HIVEP1: variants seen among roughly 807,000 people sequenced by gnomAD.
The protein encoded by HIVEP1 is HIVEP zinc finger 1.
HIVEP1 carries 36 observed loss-of-function variants against 180.0 expected under a neutral mutation model. That is an observed-to-expected ratio of 0.20 (90% confidence interval 0.15 to 0.26). The LOEUF (loss-of-function observed/expected upper bound fraction) is 0.26. HIVEP1 is among the 10% of genes least tolerant of loss of function. The pLI is 1.00. For missense variants in HIVEP1, 3,143 were observed against 3,268.7 expected, an observed-to-expected ratio of 0.96 and a Z score of 0.94; for synonymous variants, 1,239 against 1,239.0, an observed-to-expected ratio of 1.00 and a Z score of 0.00.
chr6:12,064,391 A>T (rs543444100), intron 2 of HIVEP1, among the ~76,000 whole-genome samples: 1 of 152,366 alleles, frequency 6.6e-6, no homozygotes, highest in South Asian at 2.1e-4. Flanking sequence ...CAATAAGGTC[A>T]TCACAAGCAG....
At chr6:12,190,896 A>G in the HIVEP1 span, among the ~76,000 whole-genome samples, 2 of 152,332 alleles carry the variant, frequency 1.3e-5, no homozygotes, top group East Asian at 3.9e-4. Flanking sequence ...GCAGGAATAA[A>G]TGTCTTACTG....
Position 12,125,846 on chromosome 6 carries a change from C to A in HIVEP1, c.6051C>A (p.Ser2017Arg). Residue 2017 changes from serine (S) to arginine (R), a missense_variant, in exon 4 of 9, where the codon AGC becomes AGA. By Grantham distance (110) the Ser-to-Arg change is moderately radical (BLOSUM62 -1). Coordinates refer to ENST00000379388, the MANE Select transcript of HIVEP1 (RefSeq NM_002114.4). ...AGTCAGACTTATTGGTCTATTCAAGCAAGTGGAAAAGCAGCTTAAGCAAGG... is the reference window on the plus strand; with the variant it reads ...AGTCAGACTTATTGGTCTATTCAAGAAAGTGGAAAAGCAGCTTAAGCAAGG... The part of the protein sequence containing the change: ...HSKSDLLVYS[S>R]KWKSSLSKRA... 1 of 1,603,706 alleles carries A rather than the reference C, an allele frequency of 6.2e-7. No individual in the cohort carries two copies. The highest frequency in any genetic ancestry group is 8.5e-7 in the Non-Finnish European group (1 of 1,175,020).
intron 7 of HIVEP1, among the ~76,000 whole-genome samples, chr6:12,141,021 C>T (rs1315835646): frequency 6.6e-6 from 1 of 152,124 alleles, no homozygotes; most frequent in Non-Finnish European, 1.5e-5. Context: ...ACAGAGAACA[C>T]CACAAAGATA....
chr6:12,124,653 C>G lies in HIVEP1; in HGVS notation c.4858C>G (p.Leu1620Val), dbSNP rs765564447. 3.7e-6 allele frequency: 6 copies of G among 1,614,050 alleles called. No individual in the cohort carries two copies. Among genetic ancestry groups the G allele is most frequent in the Non-Finnish European group, 5.1e-6 (6 of 1,179,992 alleles). Reference sequence around the variant, plus strand: ...TTCGCATCCTCTGCTACCACCAGAGCTCAGGCCCCTTGGAAGTCAGGTGCA... The same window carrying G: ...TTCGCATCCTCTGCTACCACCAGAGGTCAGGCCCCTTGGAAGTCAGGTGCA... ...SNSHPLLPPE[L>V]RPLGSQVQKV... is the part of the protein sequence containing the mutation. The change falls in exon 4 of 9, where the codon CTC becomes GTC. Residue 1620 changes from leucine to valine, a missense_variant. Coordinates refer to ENST00000379388, the MANE Select transcript of HIVEP1 (RefSeq NM_002114.4).
At chr6:12,084,685 C>G (rs1027971605) in intron 2 of HIVEP1, among the ~76,000 whole-genome samples, 3 of 152,038 alleles carry the variant, frequency 2.0e-5, no homozygotes, top group Non-Finnish European at 4.4e-5. Flanking sequence ...TTTTTTCAAT[C>G]AGATGGTACC....
chr6:12,164,700 C>T lies in HIVEP1; in HGVS notation c.*239C>T. ...AGAAACTGTACAGATTGTTGAATAT[C>T]TATATACATAAAAATATATTATATA... is the stretch of plus-strand genomic sequence containing the variant. On this transcript the variant is annotated 3_prime_UTR_variant, in exon 9 of 9. Transcript: ENST00000379388. The T allele has an allele frequency of 3.1e-6, 1 of 326,092 alleles. No individual in the cohort carries two copies. The highest frequency in any genetic ancestry group is 5.5e-6 in the Non-Finnish European group (1 of 181,058). The allele number at this position is 326,092 out of a possible 1,614,324, so 20.2% of individuals were successfully genotyped here. A position where few individuals can be genotyped will look rare whatever the true frequency, so the allele number is the denominator to read the frequency against.
At chr6:12,055,336 G>A (rs1412444967) in intron 2 of HIVEP1, among the ~76,000 whole-genome samples, 1 of 152,126 alleles carries the variant, frequency 6.6e-6, no homozygotes, top group Non-Finnish European at 1.5e-5. Context: ...AGCTGGGCAT[G>A]GTGGCACGTG....
At chr6:12,102,582 G>C (rs890278649) in intron 3 of HIVEP1, among the ~76,000 whole-genome samples, 1 of 152,134 alleles carries the variant, frequency 6.6e-6, no homozygotes, top group Non-Finnish European at 1.5e-5. Flanking sequence ...ACTGATAACA[G>C]GTAATTCTGC....
chr6:12,068,945 C>A (rs1315854786), intron 2 of HIVEP1, among the ~76,000 whole-genome samples: 1 of 152,214 alleles, frequency 6.6e-6, no homozygotes, highest in Admixed American at 6.5e-5. Flanking sequence ...TTACCAATTT[C>A]TTGTCACTTT....
Position 12,161,616 on chromosome 6 carries a change from T to A in HIVEP1, c.6665T>A (p.Leu2222His). The change falls in exon 8 of 9, where the codon CTT (leucine) becomes CAT (histidine). Residue 2222 changes from leucine (L) to histidine (H), a missense_variant. By Grantham distance (99) the Leu-to-His change is moderately conservative (BLOSUM62 -3). This residue lies in a region of HIVEP1 where 126 missense variants were observed against 168.5 expected (regional missense o/e 0.75). Coordinates refer to ENST00000379388, the MANE Select transcript of HIVEP1 (RefSeq NM_002114.4). The stretch of plus-strand genomic sequence containing the variant: ...CAGCACCTTCCATCTAGAAGTAGCC[T>A]TCAGGACCCTGTGAGTACTGACGAG... Reference protein sequence around the residue: ...SPQHLPSRSSLQDPVSTDEDV... With the variant: ...SPQHLPSRSSHQDPVSTDEDV... 6.2e-7 allele frequency: 1 copy of A among 1,614,122 alleles called. No homozygotes were observed. Among genetic ancestry groups the A allele is most frequent in the Non-Finnish European group, 8.5e-7 (1 of 1,180,002 alleles).
At chr6:12,044,426 C>A (rs1420150270) in intron 2 of HIVEP1, among the ~76,000 whole-genome samples, 1 of 152,196 alleles carries the variant, frequency 6.6e-6, no homozygotes, top group South Asian at 2.1e-4. Flanking sequence ...GGAAGCTTTC[C>A]TTTCCCCACC....
Position 12,121,392 on chromosome 6 carries a change from T to C in HIVEP1, c.1597T>C (p.Phe533Leu). ...SNAETLLKSS[F>L]TPSSPENVIG... ...TGCTGAAACTTTACTAAAATCAAGC[T>C]TCACTCCAAGCAGTCCAGAAAATGT... Residue 533 changes from phenylalanine (F) to leucine (L), a missense_variant, in exon 4 of 9, where the codon TTC (phenylalanine) becomes CTC (leucine). Coordinates refer to ENST00000379388, the MANE Select transcript of HIVEP1 (RefSeq NM_002114.4). This position sits in a 1 kb window ranked among gnomAD's most constrained non-coding sequence, Gnocchi z 5.3. 6.2e-7 allele frequency: 1 copy of C among 1,614,118 alleles called. No individual in the cohort carries two copies. Among genetic ancestry groups the C allele is most frequent in the Non-Finnish European group, 8.5e-7 (1 of 1,180,024 alleles).
At chr6:12,037,952 T>C in intron 2 of HIVEP1, 1 of 387,926 alleles carries the variant, frequency 2.6e-6, no homozygotes, top group Non-Finnish European at 4.6e-6. Flanking sequence ...CAGCCTCAAG[T>C]GAACCTCCTG....
the HIVEP1 span, among the ~76,000 whole-genome samples, chr6:12,187,962 T>A: frequency 9.9e-5 from 15 of 152,180 alleles, no homozygotes; most frequent in Admixed American, 2.6e-4. Flanking sequence ...AGAAAATGAC[T>A]ACTAACATCT....
downstream of HIVEP1, among the ~76,000 whole-genome samples, chr6:12,167,640 C>CATGTAATATTACATGTAT (rs1562023596): frequency 5.2e-5 from 5 of 95,758 alleles, 1 homozygote; most frequent in African/African-American, 1.3e-4. Context: ...GTTATATATA[C>CATGTAATATTACATGTAT]ATATACATAT....
chr6:12,036,216 T>G (rs990403372), intron 2 of HIVEP1, among the ~76,000 whole-genome samples: 3 of 152,226 alleles, frequency 2.0e-5, no homozygotes, highest in African/African-American at 7.2e-5. Context: ...AAGAGCTTGA[T>G]TTTGGTGTTA....
chr6:12,026,040 C>CAAAAAAAAA (rs113797667), intron 2 of HIVEP1, among the ~76,000 whole-genome samples: 1 of 130,302 alleles, frequency 7.7e-6, no homozygotes. Context: ...AACCCCATAT[C>CAAAAAAAAA]AAAAAAAAAA....
At chr6:12,076,755 G>A (rs1447017570) in intron 2 of HIVEP1, among the ~76,000 whole-genome samples, 1 of 152,134 alleles carries the variant, frequency 6.6e-6, no homozygotes, top group Non-Finnish European at 1.5e-5. Context: ...TCCAACACAT[G>A]CATTTTGGAG....
chr6:12,059,620 T>C (rs1771102948), intron 2 of HIVEP1, among the ~76,000 whole-genome samples: 1 of 152,212 alleles, frequency 6.6e-6, no homozygotes, highest in Non-Finnish European at 1.5e-5. Flanking sequence ...TCTCCTCGCC[T>C]ACTGTGCTGT....
Sources: allele counts gnomAD v4.1 joint callset (sites outside exome capture counted in the v4.1 genomes callset), GRCh38; gene constraint gnomAD v4.1.1; regional missense constraint gnomAD v4.1.1; non-coding constraint Gnocchi (gnomAD v3.1); transcripts MANE v1.5; gene names NCBI Gene and HGNC (gene_info 2026-07-23, HGNC 2026-07-21).